The following SUGCT variants were observed in gnomAD, a reference collection of about 807,000 sequenced individuals.
SUGCT encodes the protein succinyl-CoA:glutarate CoA-transferase.
Under a neutral mutation model 55.0 loss-of-function variants are expected in SUGCT, and 41 were observed. The ratio of observed to expected loss-of-function variants is 0.74; its 90% CI spans 0.58 to 0.97. The LOEUF is 0.97. Among genes scored for constraint, SUGCT ranks in the 50% least tolerant of loss-of-function variants. The probability of loss-of-function intolerance (pLI) is 0.00; values close to 1 mark genes in which losing one functional copy is unlikely to be tolerated. For missense variants in SUGCT, 568 were observed against 547.8 expected (o/e 1.04, Z -0.37); for synonymous variants, 187 against 200.4 (o/e 0.93, Z 0.56).
At chr7:40,362,156 C>A (rs1273181287) in intron 9 of SUGCT, among the ~76,000 whole-genome samples, 1 of 152,226 alleles carries the variant, frequency 6.6e-6, no homozygotes, top group South Asian at 2.1e-4. Flanking sequence ...CAGTGGCTAT[C>A]GCCTGTAATC....
At position 40,304,586 on chromosome 7, in the gene SUGCT, C is replaced by T. The variant is rs936689253; in HGVS notation, c.721-12174C>T. On this transcript the variant is annotated intron_variant, in intron 8 of 13. Transcript: ENST00000335693. ...ACATGTAATATTTTATCCCTCACCA[C>T]CCCCCACCCTTTCCTGCAAGTCCCC... 1.1e-4 allele frequency among the ~76,000 whole-genome samples: 16 copies of T among 151,426 alleles called. 1 individual carries two copies. The South Asian group carries it at 2.1e-3, about 20-fold the overall frequency.
At chr7:40,438,370 G>A (rs1034729556) in intron 9 of SUGCT, among the ~76,000 whole-genome samples, 25 of 152,172 alleles carry the variant, frequency 1.6e-4, no homozygotes, top group African/African-American at 4.1e-4. Context: ...TAGTTTTGTC[G>A]TGTCATCAAA....
rs10528858 is a variant in SUGCT, at chr7:40,296,612, C to CGTGTGTGTGTGTGT, written c.721-20119_721-20106dup. On this transcript the variant is annotated intron_variant, in intron 8 of 13. Coordinates refer to ENST00000335693, the MANE Select transcript of SUGCT (RefSeq NM_001193313.2). ...AGGGAGAGAGACAGAGTGAGTGACT[C>CGTGTGTGTGTGTGT]GTGTGTGTGTGTGTGTGTGTGTGTG... Among the ~76,000 whole-genome samples, 26 of 144,820 alleles carry CGTGTGTGTGTGTGT rather than the reference C, an allele frequency of 1.8e-4. 1 individual carries two copies. Among genetic ancestry groups the CGTGTGTGTGTGTGT allele is most frequent in the East Asian group, 6.2e-4 (3 of 4,806 alleles).
At chr7:40,324,924 A>C (rs1244000231) in intron 9 of SUGCT, among the ~76,000 whole-genome samples, 1 of 152,236 alleles carries the variant, frequency 6.6e-6, no homozygotes, top group Non-Finnish European at 1.5e-5. Flanking sequence ...AGTAGCTTCT[A>C]ACTCAAGAGG....
At chr7:40,791,206 T>C (rs891482165) in intron 13 of SUGCT, among the ~76,000 whole-genome samples, 32 of 152,218 alleles carry the variant, frequency 2.1e-4, no homozygotes, top group Admixed American at 1.5e-3. Flanking sequence ...AAAGTTGTTA[T>C]GATAAAGGTA....
chr7:40,804,715 A>C (rs903401697), intron 13 of SUGCT, among the ~76,000 whole-genome samples: 1 of 152,234 alleles, frequency 6.6e-6, no homozygotes, highest in Non-Finnish European at 1.5e-5. Flanking sequence ...AATGATGCCT[A>C]GCTTCCCATA....
chr7:40,209,846 AT>A (rs1787232107), intron 6 of SUGCT, among the ~76,000 whole-genome samples: 1 of 152,128 alleles, frequency 6.6e-6, no homozygotes, highest in African/African-American at 2.4e-5. Flanking sequence ...TATTTTTAAA[AT>A]TTCAATCCAA....
At chr7:40,612,875 G>A (rs112197731) in intron 12 of SUGCT, among the ~76,000 whole-genome samples, 20,668 of 152,080 alleles carry the variant, frequency 0.14, 1,546 homozygotes, top group Middle Eastern at 0.2. Flanking sequence ...GCTCATGCCT[G>A]TAATCCCAGC....
chr7:41,023,863 C>T, the SUGCT span, among the ~76,000 whole-genome samples: 4 of 152,086 alleles, frequency 2.6e-5, no homozygotes, highest in Non-Finnish European at 5.9e-5. Flanking sequence ...TAGCCATTTC[C>T]TTCATTATTC....
At chr7:40,481,682 G>C (rs1258518625) in intron 11 of SUGCT, among the ~76,000 whole-genome samples, 1 of 152,058 alleles carries the variant, frequency 6.6e-6, no homozygotes, top group East Asian at 1.9e-4. Context: ...ATAACTGTAA[G>C]CATTAGTAAT....
intron 12 of SUGCT, among the ~76,000 whole-genome samples, chr7:40,652,710 T>C (rs1242683547): frequency 6.6e-6 from 1 of 152,228 alleles, no homozygotes; most frequent in Non-Finnish European, 1.5e-5. Flanking sequence ...ACTGGTTGCT[T>C]CCACCAAACA....
chr7:40,399,618 G>A (rs985775962), intron 9 of SUGCT, among the ~76,000 whole-genome samples: 1 of 152,150 alleles, frequency 6.6e-6, no homozygotes, highest in Non-Finnish European at 1.5e-5. Flanking sequence ...TTCTCCTTGG[G>A]TCTTATTAGC....
intron 13 of SUGCT, among the ~76,000 whole-genome samples, chr7:40,854,482 C>CTCTT (rs1794067875): frequency 3.0e-5 from 3 of 100,164 alleles, no homozygotes; most frequent in Non-Finnish European, 4.4e-5. Flanking sequence ...CTTTCTCTTT[C>CTCTT]TCTCTTTCTT....
At chr7:40,885,251 C>T in the SUGCT span, among the ~76,000 whole-genome samples, 1 of 152,162 alleles carries the variant, frequency 6.6e-6, no homozygotes, top group Non-Finnish European at 1.5e-5. Flanking sequence ...CCTCCAAGGG[C>T]ACCACAGCAG....
At chr7:40,863,788 A>G (rs111694256), downstream of SUGCT, among the ~76,000 whole-genome samples, 1 of 152,274 alleles carries the variant, frequency 6.6e-6, no homozygotes, top group South Asian at 2.1e-4. Context: ...ACGGGCCTGA[A>G]AAAAAACAGT....
intron 12 of SUGCT, among the ~76,000 whole-genome samples, chr7:40,536,155 C>T (rs1004212934): frequency 6.6e-6 from 1 of 152,098 alleles, no homozygotes; most frequent in African/African-American, 2.4e-5. Context: ...GTTTGGTGTG[C>T]AGAAGCTTTT....
chr7:40,486,254 G>A (rs763341320), intron 11 of SUGCT, among the ~76,000 whole-genome samples: 11 of 152,056 alleles, frequency 7.2e-5, no homozygotes, highest in Non-Finnish European at 1.0e-4. Flanking sequence ...TATCCAATAT[G>A]CTGGCACATG....
intron 3 of SUGCT, among the ~76,000 whole-genome samples, chr7:40,185,936 C>A (rs974806631): frequency 1.3e-5 from 2 of 151,968 alleles, no homozygotes; most frequent in Non-Finnish European, 2.9e-5. Context: ...GATAGTTATT[C>A]AACACAGATA....
intron 12 of SUGCT, among the ~76,000 whole-genome samples, chr7:40,720,782 C>T (rs1018862382): frequency 1.3e-5 from 2 of 152,158 alleles, no homozygotes; most frequent in Non-Finnish European, 2.9e-5. Flanking sequence ...TAAAATGCAT[C>T]CCTTACGTAT....
Sources: allele counts gnomAD v4.1 joint callset (sites outside exome capture counted in the v4.1 genomes callset), GRCh38; gene constraint gnomAD v4.1.1; transcripts MANE v1.5; gene names NCBI Gene and HGNC (gene_info 2026-07-23, HGNC 2026-07-21).